Variants in KCNAB1 observed in about 807,000 individuals in gnomAD.
The protein encoded by KCNAB1 is potassium voltage-gated channel subfamily A regulatory beta subunit 1, also known as voltage-gated potassium channel subunit beta-1.
A neutral mutation model predicts 64.6 loss-of-function variants in KCNAB1; 35 were observed. The observed-to-expected ratio is 0.54, with a 90% CI of 0.41 to 0.72. KCNAB1 has a LOEUF of 0.72. Among genes scored for constraint, KCNAB1 ranks in the 30% least tolerant of loss-of-function variants. The pLI, the probability that KCNAB1 is intolerant of heterozygous loss-of-function variation, is 0.00. For synonymous variants in KCNAB1, 177 were observed against 183.8 expected (o/e 0.96, Z 0.30); for missense variants, 401 against 512.9 (o/e 0.78, Z 2.11).
chr3:156,525,969 G>A (rs1718283206), intron 12 of KCNAB1, among the ~76,000 whole-genome samples: 1 of 152,096 alleles, frequency 6.6e-6, no homozygotes, highest in Non-Finnish European at 1.5e-5. Flanking sequence ...GAATGTCCCA[G>A]GCCTTCACAT....
chr3:156,516,595 A>G (rs1384892575), intron 11 of KCNAB1, among the ~76,000 whole-genome samples: 1 of 152,244 alleles, frequency 6.6e-6, no homozygotes, highest in African/African-American at 2.4e-5. Context: ...TCTGGGGACT[A>G]GGAAAAAAGT....
intron 1 of KCNAB1, among the ~76,000 whole-genome samples, chr3:156,231,327 G>A (rs189661365): frequency 7.2e-5 from 11 of 152,204 alleles, no homozygotes; most frequent in African/African-American, 2.6e-4. Flanking sequence ...TGTATATCAT[G>A]ACTTACTTTC....
chr3:156,283,871 AT>A (rs895001668), intron 1 of KCNAB1, among the ~76,000 whole-genome samples: 16 of 151,456 alleles, frequency 1.1e-4, no homozygotes, highest in African/African-American at 3.6e-4. Context: ...ATTCTTCTAA[AT>A]TTTTTTCAAA....
At chr3:156,232,402 A>G (rs944966387) in intron 1 of KCNAB1, among the ~76,000 whole-genome samples, 1 of 152,252 alleles carries the variant, frequency 6.6e-6, no homozygotes, top group Non-Finnish European at 1.5e-5. Flanking sequence ...TTCAAAGTCC[A>G]GGGAGCTAGA....
At chr3:156,434,032 A>G (rs1180450140) in intron 2 of KCNAB1, among the ~76,000 whole-genome samples, 2 of 152,214 alleles carry the variant, frequency 1.3e-5, no homozygotes, top group African/African-American at 4.8e-5. Context: ...ATTAATACAT[A>G]CATTTCAGGA....
intron 1 of KCNAB1, among the ~76,000 whole-genome samples, chr3:156,404,695 C>T (rs866641887): frequency 3.3e-5 from 5 of 152,202 alleles, no homozygotes; most frequent in African/African-American, 1.2e-4. Flanking sequence ...CATCCTGGTA[C>T]GTCCCGGTGC....
At chr3:156,368,750 T>G (rs2108122379) in intron 1 of KCNAB1, among the ~76,000 whole-genome samples, 1 of 152,246 alleles carries the variant, frequency 6.6e-6, no homozygotes, top group South Asian at 2.1e-4. Flanking sequence ...CAAGTTGAAG[T>G]AAGTATTAAA....
At chr3:156,322,321 A>G (rs1340685311) in intron 1 of KCNAB1, among the ~76,000 whole-genome samples, 1 of 152,198 alleles carries the variant, frequency 6.6e-6, no homozygotes, top group African/African-American at 2.4e-5. Context: ...CAAAATATGT[A>G]CAGTCAGCCC....
intron 2 of KCNAB1, among the ~76,000 whole-genome samples, chr3:156,438,460 A>C (rs114155805): frequency 0.012 from 1,771 of 152,342 alleles, 15 homozygotes; most frequent in South Asian, 0.03. Flanking sequence ...CATAATAAGT[A>C]ATACATTTTT....
intron 1 of KCNAB1, among the ~76,000 whole-genome samples, chr3:156,320,651 C>T (rs1264409350): frequency 6.6e-6 from 1 of 152,040 alleles, no homozygotes; most frequent in Non-Finnish European, 1.5e-5. Flanking sequence ...GGGGAGAGTA[C>T]CAGGAATGTT....
At chr3:156,215,494 A>T (rs950136035) in intron 1 of KCNAB1, 9 of 152,308 alleles carry the variant, frequency 5.9e-5, no homozygotes, top group Non-Finnish European at 4.4e-5. Flanking sequence ...AGAGGTTATG[A>T]AAGTGCTGAG....
intron 1 of KCNAB1, among the ~76,000 whole-genome samples, chr3:156,277,947 G>C (rs960022083): frequency 1.3e-5 from 2 of 152,138 alleles, no homozygotes; most frequent in African/African-American, 4.8e-5. Flanking sequence ...TGAGGTGATA[G>C]AACATTTATG....
chr3:156,138,767 C>T (rs1429964306), intron 1 of KCNAB1, among the ~76,000 whole-genome samples: 3 of 152,180 alleles, frequency 2.0e-5, no homozygotes, highest in Non-Finnish European at 4.4e-5. Flanking sequence ...AAGTCTGAGC[C>T]AGTAGAGAAA....
At chr3:156,303,275 CTT>C (rs538177210) in intron 1 of KCNAB1, among the ~76,000 whole-genome samples, 5 of 152,248 alleles carry the variant, frequency 3.3e-5, no homozygotes, top group South Asian at 4.1e-4. Flanking sequence ...TATACTCTCT[CTT>C]GGCATGCAAG....
chr3:156,235,317 A>T (rs1716782613), intron 1 of KCNAB1, among the ~76,000 whole-genome samples: 1 of 152,156 alleles, frequency 6.6e-6, no homozygotes, highest in African/African-American at 2.4e-5. Flanking sequence ...TTCTTCCTTC[A>T]TGTCACCTAT....
intron 1 of KCNAB1, among the ~76,000 whole-genome samples, chr3:156,388,866 A>G (rs1245818940): frequency 1.3e-5 from 2 of 152,204 alleles, no homozygotes; most frequent in African/African-American, 4.8e-5. Context: ...ACCAACCTCC[A>G]GCTTTGACAA....
chr3:156,205,483 T>C (rs770938578), intron 1 of KCNAB1, among the ~76,000 whole-genome samples: 12 of 152,202 alleles, frequency 7.9e-5, no homozygotes, highest in Non-Finnish European at 1.5e-4. Flanking sequence ...ACAAAAAATA[T>C]GAGATGAACA....
intron 1 of KCNAB1, among the ~76,000 whole-genome samples, chr3:156,223,674 G>A (rs548634192): frequency 1.7e-4 from 26 of 152,308 alleles, no homozygotes; most frequent in African/African-American, 6.3e-4. Flanking sequence ...AGATCAGCTA[G>A]ACACAGAGCG....
chr3:156,309,101 A>G (rs964907873), intron 1 of KCNAB1, among the ~76,000 whole-genome samples: 1 of 152,206 alleles, frequency 6.6e-6, no homozygotes, highest in Non-Finnish European at 1.5e-5. Context: ...TCATCTGGAA[A>G]TGTATTAGAA....
Sources: gnomAD v4.1 joint callset for allele counts (sites outside exome capture counted in the v4.1 genomes callset) on GRCh38, gnomAD v4.1.1 for gene constraint, MANE v1.5 for transcripts, NCBI Gene and HGNC (gene_info 2026-07-23, HGNC 2026-07-21) for gene names.